Variants in RIMBP2 observed in about 807,000 individuals in gnomAD.
RIMBP2 encodes RIMS-binding protein 2.
Under a neutral mutation model 118.6 loss-of-function variants are expected in RIMBP2, and 48 were observed. The ratio of observed to expected loss-of-function variants is 0.40; its 90% CI spans 0.32 to 0.51. The LOEUF is 0.51. Ranked by LOEUF, RIMBP2 falls within the 20% of genes least tolerant of loss-of-function variation. The pLI is 0.41. For synonymous variants in RIMBP2, 762 were observed against 742.9 expected (o/e 1.03, Z -0.42); for missense variants, 1,551 against 1,768.3 (o/e 0.88, Z 2.20).
At chr12:130,485,624 G>A (rs563130831) in intron 4 of RIMBP2, among the ~76,000 whole-genome samples, 10 of 152,230 alleles carry the variant, frequency 6.6e-5, no homozygotes, top group Non-Finnish European at 1.5e-4. Flanking sequence ...ACTGCCAAAG[G>A]CAGACTGTAT....
At position 130,463,442 on chromosome 12, in the gene RIMBP2, TG is replaced by T. The variant is rs371823001; in HGVS notation, c.154-6743del. 2.1e-3 allele frequency among the ~76,000 whole-genome samples: 319 copies of T among 152,172 alleles called. 2 individuals carry two copies. Among genetic ancestry groups the T allele is most frequent in the African/African-American group, 7.5e-3 (312 of 41,542 alleles). On this transcript the variant is annotated intron_variant, in intron 6 of 22. Coordinates refer to ENST00000690449, the MANE Select transcript of RIMBP2 (RefSeq NM_001393629.1). The stretch of plus-strand genomic sequence containing the variant: ...GGAACAAACAGCAGAGGCTCGCAAA[TG>T]TGGATGTGGCTATTTCTAAAGACAA...
At chr12:130,695,996 G>C (rs2065552674) in intron 1 of RIMBP2, among the ~76,000 whole-genome samples, 1 of 152,074 alleles carries the variant, frequency 6.6e-6, no homozygotes, top group South Asian at 2.1e-4. Context: ...GAAATTGCAA[G>C]TATATGATTT....
chr12:130,700,967 G>A (rs1012453806), intron 1 of RIMBP2, among the ~76,000 whole-genome samples: 1 of 152,220 alleles, frequency 6.6e-6, no homozygotes, highest in Admixed American at 6.5e-5. Context: ...TACTGAGCAT[G>A]GTGTGTGTGC....
chr12:130,438,038 A>G (rs550950745), intron 12 of RIMBP2, among the ~76,000 whole-genome samples: 1 of 152,328 alleles, frequency 6.6e-6, no homozygotes, highest in Admixed American at 6.5e-5. Context: ...CATGGGTATC[A>G]TCGTGCTAAG....
intron 4 of RIMBP2, among the ~76,000 whole-genome samples, chr12:130,486,710 A>AG (rs199729733): frequency 1.0e-4 from 12 of 115,030 alleles, no homozygotes; most frequent in Admixed American, 1.7e-4. Context: ...CAGATCTTTG[A>AG]GAAAAAAAAA....
At chr12:130,635,350 C>T (rs1432495234) in intron 1 of RIMBP2, among the ~76,000 whole-genome samples, 2 of 152,228 alleles carry the variant, frequency 1.3e-5, no homozygotes, top group Non-Finnish European at 2.9e-5. Flanking sequence ...AAAGGAGCTA[C>T]TGAAACACTT....
chr12:130,610,303 T>C (rs2060447134), intron 2 of RIMBP2, among the ~76,000 whole-genome samples: 1 of 152,192 alleles, frequency 6.6e-6, no homozygotes, highest in Non-Finnish European at 1.5e-5. Context: ...GGTCCTCTCT[T>C]CATCAAGTCT....
intron 2 of RIMBP2, among the ~76,000 whole-genome samples, chr12:130,522,212 T>C (rs1486933446): frequency 6.6e-6 from 1 of 152,234 alleles, no homozygotes; most frequent in African/African-American, 2.4e-5. Flanking sequence ...TTCTAGCTGC[T>C]GTGTTGCAAA....
rs185449317 is a variant in RIMBP2 at position 130,649,799 on chromosome 12, C to T, written c.-351-21343G>A. On this transcript the variant is annotated intron_variant, in intron 1 of 22. Coordinates refer to ENST00000690449, the MANE Select transcript of RIMBP2 (RefSeq NM_001393629.1). ...GACAGCACCCGAACAGGGAGGGGTGCCCTGCTACCCCAGCCCCCGAAGAGG... is the reference window on the plus strand; with the variant it reads ...GACAGCACCCGAACAGGGAGGGGTGTCCTGCTACCCCAGCCCCCGAAGAGG... Among the ~76,000 whole-genome samples, 625 of 152,148 alleles carry T rather than the reference C, an allele frequency of 4.1e-3. 4 individuals carry two copies. The highest frequency in any genetic ancestry group is 0.014 in the African/African-American group (578 of 41,512).
At chr12:130,451,810 C>T (rs533365150) in intron 7 of RIMBP2, among the ~76,000 whole-genome samples, 2 of 152,296 alleles carry the variant, frequency 1.3e-5, no homozygotes, top group Admixed American at 6.5e-5. Context: ...CCTGAAGCCA[C>T]GTCCTGGCTC....
intron 4 of RIMBP2, among the ~76,000 whole-genome samples, chr12:130,484,780 G>A (rs1310627111): frequency 1.3e-5 from 2 of 152,200 alleles, no homozygotes; most frequent in Non-Finnish European, 2.9e-5. Context: ...AGCATTTCAG[G>A]CCAGCAAAAG....
At chr12:130,524,975 G>A (rs917683737) in intron 2 of RIMBP2, among the ~76,000 whole-genome samples, 69 of 152,298 alleles carry the variant, frequency 4.5e-4, no homozygotes, top group Middle Eastern at 3.4e-3. Context: ...CGTGAGGCCC[G>A]GTGGGAATGC....
chr12:130,620,082 G>A lies in RIMBP2; in HGVS notation c.-217+8240C>T, dbSNP rs902600071. On this transcript the variant is annotated intron_variant, in intron 2 of 22. Coordinates refer to ENST00000690449, the MANE Select transcript of RIMBP2 (RefSeq NM_001393629.1). The surrounding 1 kb of genome is among the most constrained non-coding windows in gnomAD (Gnocchi z 5.3). ...ACCCCTGCGGCAACCGGTTGAAAAGGGCCTCCGAGGCAGTGGCTCACTCTT... is the reference window on the plus strand; with the variant it reads ...ACCCCTGCGGCAACCGGTTGAAAAGAGCCTCCGAGGCAGTGGCTCACTCTT... 6.6e-6 allele frequency among the ~76,000 whole-genome samples: 1 copy of A among 152,140 alleles called. No homozygotes were observed. Among genetic ancestry groups the A allele is most frequent in the Non-Finnish European group, 1.5e-5 (1 of 68,028 alleles).
chr12:130,544,796 T>A lies in RIMBP2; in HGVS notation c.-216-26879A>T, dbSNP rs568661448. Among the ~76,000 whole-genome samples, 5 of 152,170 alleles carry A rather than the reference T, an allele frequency of 3.3e-5. No individual in the cohort carries two copies. The East Asian group carries it at 7.8e-4, about 24-fold the overall frequency. On this transcript the variant is annotated intron_variant, in intron 2 of 22. Coordinates refer to ENST00000690449, the MANE Select transcript of RIMBP2 (RefSeq NM_001393629.1). Reference sequence around the variant, plus strand: ...TTAGTAGAGATGGGGTTTCACCATGTTACCCAAGCTAGTCTCCAATTCCTG... The same window carrying A: ...TTAGTAGAGATGGGGTTTCACCATGATACCCAAGCTAGTCTCCAATTCCTG...
Position 130,475,884 on chromosome 12 carries a change from G to C in RIMBP2, c.102+3028C>G, listed in dbSNP as rs2081383787. 6.6e-6 allele frequency among the ~76,000 whole-genome samples: 1 copy of C among 152,058 alleles called. No individual in the cohort carries two copies. Among genetic ancestry groups the C allele is most frequent in the African/African-American group, 2.4e-5 (1 of 41,386 alleles). ...CAGAGGGGAGTTCTGTGTGGGACGT[G>C]GCGTCCGAGGCCCCCCAAGCAGTGG... On this transcript the variant is annotated intron_variant, in intron 5 of 22. Coordinates refer to ENST00000690449, the MANE Select transcript of RIMBP2 (RefSeq NM_001393629.1). This position sits in a 1 kb window ranked among gnomAD's most constrained non-coding sequence, Gnocchi z 4.1.
rs949433244 is a variant in RIMBP2 at position 130,437,196 on chromosome 12, G to C, written c.1752C>G (p.Leu584=). 2 of 1,586,512 alleles carry C rather than the reference G, an allele frequency of 1.3e-6. No homozygotes were observed. Among genetic ancestry groups the C allele is most frequent in the African/African-American group, 2.7e-5 (2 of 74,540 alleles). ...LEAKGVTVRT[L]SAQGESVDSA... ...AGTCCACGGACTCGCCCTGGGCGGAGAGGGTCCGCACGGTCACGCCCTTGG... is the reference window on the plus strand; with the variant it reads ...AGTCCACGGACTCGCCCTGGGCGGACAGGGTCCGCACGGTCACGCCCTTGG... The change falls in exon 13 of 23, where the codon CTC becomes CTG. Residue 584 remains leucine (L), a synonymous_variant. Coordinates refer to ENST00000690449, the MANE Select transcript of RIMBP2 (RefSeq NM_001393629.1).
At chr12:130,401,116 A>G (rs1008394504) in intron 21 of RIMBP2, among the ~76,000 whole-genome samples, 8 of 149,918 alleles carry the variant, frequency 5.3e-5, no homozygotes, top group African/African-American at 2.0e-4. Flanking sequence ...ATGATTTTAT[A>G]TCTTTTTTTT....
chr12:130,547,195 A>C (rs985449315), intron 2 of RIMBP2, among the ~76,000 whole-genome samples: 2 of 152,210 alleles, frequency 1.3e-5, no homozygotes, highest in East Asian at 3.8e-4. Flanking sequence ...CAAGACAGTT[A>C]GGGCTCTTTT....
At chr12:130,590,612 A>T (rs2140309992) in intron 2 of RIMBP2, among the ~76,000 whole-genome samples, 1 of 152,288 alleles carries the variant, frequency 6.6e-6, no homozygotes, top group Admixed American at 6.5e-5. Flanking sequence ...GAAAAATAAG[A>T]GGGTTTACAT....
Sources: gnomAD v4.1 joint callset for allele counts (sites outside exome capture counted in the v4.1 genomes callset) on GRCh38, gnomAD v4.1.1 for gene constraint, Gnocchi (gnomAD v3.1) non-coding constraint, MANE v1.5 for transcripts, NCBI Gene and HGNC (gene_info 2026-07-23, HGNC 2026-07-21) for gene names.